ZEB1: variants seen among roughly 807,000 people sequenced by gnomAD.
ZEB1 encodes the protein zinc finger E-box binding homeobox 1, also known as zinc finger E-box-binding homeobox 1.
A neutral mutation model predicts 84.9 loss-of-function variants in ZEB1; 21 were observed. The ratio of observed to expected loss-of-function variants is 0.25; its 90% CI spans 0.18 to 0.36. ZEB1 has a LOEUF of 0.36. Among genes scored for constraint, ZEB1 ranks in the 10% least tolerant of loss-of-function variants. The pLI is 1.00. For synonymous variants in ZEB1, 420 were observed against 471.1 expected (o/e 0.89, Z 1.41); for missense variants, 1,104 against 1,330.2 (o/e 0.83, Z 2.65).
chr10:31,483,060 T>C (rs1210084175), intron 2 of ZEB1, among the ~76,000 whole-genome samples: 1 of 152,052 alleles, frequency 6.6e-6, no homozygotes, highest in Non-Finnish European at 1.5e-5. Context: ...CTAATTCTGC[T>C]TTCATTAGGC....
chr10:31,382,152 C>T (rs1322931313), intron 1 of ZEB1, among the ~76,000 whole-genome samples: 1 of 151,774 alleles, frequency 6.6e-6, no homozygotes, highest in African/African-American at 2.4e-5. Context: ...TTCTCTGCCT[C>T]TGCTTGCATG....
chr10:31,461,207 G>T lies in ZEB1; in HGVS notation c.229G>T (p.Gly77Trp). Residue 77 changes from glycine to tryptophan, a missense_variant, in exon 2 of 9, where the codon GGG (glycine) becomes TGG (tryptophan). Gly to Trp is a radical substitution (Grantham distance 184). Around this residue, in one of 7 missense-constraint regions of ZEB1, gnomAD observed 162 missense variants for 184.5 expected, o/e 0.88. Coordinates refer to ENST00000424869, the MANE Select transcript of ZEB1 (RefSeq NM_001174096.2). ...VLPGRSSERE[G>W]NAKNCWEDDT... Reference sequence around the variant, plus strand: ...ACCAGGGAGGAGCAGTGAAAGAGAAGGGAATGCTAAGAACTGCTGGGAGGA... The same window carrying T: ...ACCAGGGAGGAGCAGTGAAAGAGAATGGAATGCTAAGAACTGCTGGGAGGA... 6.2e-7 allele frequency: 1 copy of T among 1,613,226 alleles called. No homozygotes were observed. The highest frequency in any genetic ancestry group is 8.5e-7 in the Non-Finnish European group (1 of 1,179,568).
At chr10:31,515,332 A>G (rs2070877126) in intron 6 of ZEB1, among the ~76,000 whole-genome samples, 1 of 152,078 alleles carries the variant, frequency 6.6e-6, no homozygotes, top group Admixed American at 6.6e-5. Flanking sequence ...ACAGAGAGCT[A>G]TATTTGCATT....
At chr10:31,519,285 C>T (rs888385631) in intron 6 of ZEB1, among the ~76,000 whole-genome samples, 2 of 152,088 alleles carry the variant, frequency 1.3e-5, no homozygotes, top group African/African-American at 2.4e-5. Flanking sequence ...CCATTTAGCT[C>T]GGTGCTTTCA....
intron 1 of ZEB1, among the ~76,000 whole-genome samples, chr10:31,408,945 A>G (rs1286975141): frequency 1.3e-5 from 2 of 150,566 alleles, no homozygotes; most frequent in Non-Finnish European, 3.0e-5. Flanking sequence ...AACTACCATC[A>G]GAGTGAACAG....
intron 1 of ZEB1, among the ~76,000 whole-genome samples, chr10:31,372,593 C>T (rs1304916299): frequency 6.6e-6 from 1 of 152,030 alleles, no homozygotes; most frequent in Non-Finnish European, 1.5e-5. Flanking sequence ...AGTGTAACCT[C>T]TAACTTCTTG....
chr10:31,520,716 AGTC>A lies in ZEB1; in HGVS notation c.1385_1387del (p.Ser462_Leu463delinsIle). 1 of 1,614,144 alleles carries A rather than the reference AGTC, an allele frequency of 6.2e-7. No homozygotes were observed. Among genetic ancestry groups the A allele is most frequent in the Non-Finnish European group, 8.5e-7 (1 of 1,180,002 alleles). ...TGGCCATTCTGTTATTTCAGCCATC[AGTC>A]TTCCTTTGGTTGATCAAGATGGAAC... On this transcript the variant is annotated inframe_deletion, in exon 7 of 9. Transcript: ENST00000424869. This position sits in a 1 kb window ranked among gnomAD's most constrained non-coding sequence, Gnocchi z 5.1.
intron 1 of ZEB1, among the ~76,000 whole-genome samples, chr10:31,440,973 C>T (rs942238487): frequency 1.3e-5 from 2 of 152,078 alleles, no homozygotes; most frequent in African/African-American, 2.4e-5. Flanking sequence ...TGAAAATGGC[C>T]ATACTGCCCA....
chr10:31,380,577 T>G (rs1224035643), intron 1 of ZEB1, among the ~76,000 whole-genome samples: 2 of 152,208 alleles, frequency 1.3e-5, no homozygotes, highest in East Asian at 3.8e-4. Context: ...ATTCTGTCAT[T>G]AGGGTTTGCA....
chr10:31,427,858 C>CAA (rs60403022), intron 1 of ZEB1, among the ~76,000 whole-genome samples: 1 of 119,386 alleles, frequency 8.4e-6, no homozygotes, highest in Non-Finnish European at 1.8e-5. Context: ...GACTCCATCT[C>CAA]AAAAAAAAAA....
At chr10:31,433,344 T>G (rs140101737) in intron 1 of ZEB1, among the ~76,000 whole-genome samples, 2 of 152,304 alleles carry the variant, frequency 1.3e-5, no homozygotes, top group Admixed American at 1.3e-4. Context: ...CAGCTGCAGT[T>G]AACATGTTTT....
intron 1 of ZEB1, among the ~76,000 whole-genome samples, chr10:31,328,300 T>A (rs779385509): frequency 3.6e-4 from 55 of 152,154 alleles, no homozygotes; most frequent in South Asian, 1.0e-3. Context: ...CCTATCACCC[T>A]GGCCGGGTTA....
intron 1 of ZEB1, among the ~76,000 whole-genome samples, chr10:31,430,560 G>T (rs1411631185): frequency 6.6e-6 from 1 of 151,980 alleles, no homozygotes; most frequent in African/African-American, 2.4e-5. Flanking sequence ...TCCTAATTTT[G>T]CCATGTTAAA....
chr10:31,452,701 ATG>A (rs377004895), intron 1 of ZEB1, among the ~76,000 whole-genome samples: 1,798 of 90,162 alleles, frequency 0.02, 24 homozygotes, highest in African/African-American at 0.037. Flanking sequence ...TTAGGATAAA[ATG>A]TGTGTGTGTG....
intron 1 of ZEB1, among the ~76,000 whole-genome samples, chr10:31,331,736 G>A (rs2036841034): frequency 6.6e-6 from 1 of 152,106 alleles, no homozygotes; most frequent in African/African-American, 2.4e-5. Flanking sequence ...CCATACAGGG[G>A]GAATATTATG....
chr10:31,406,688 T>G (rs2053133264), intron 1 of ZEB1, among the ~76,000 whole-genome samples: 1 of 152,216 alleles, frequency 6.6e-6, no homozygotes, highest in African/African-American at 2.4e-5. Flanking sequence ...CAGAAGCTCT[T>G]TAGTTTAATT....
At chr10:31,368,507 C>A (rs1263708279) in intron 1 of ZEB1, among the ~76,000 whole-genome samples, 2 of 152,270 alleles carry the variant, frequency 1.3e-5, no homozygotes, top group African/African-American at 4.8e-5. Flanking sequence ...ATACCTAATA[C>A]AATACAAATG....
intron 1 of ZEB1, among the ~76,000 whole-genome samples, chr10:31,430,426 A>T (rs548012554): frequency 1.1e-4 from 16 of 152,290 alleles, no homozygotes; most frequent in African/African-American, 3.9e-4. Context: ...CCTTTTGCAA[A>T]CCAAACACTG....
At chr10:31,382,162 G>A (rs1183270728) in intron 1 of ZEB1, among the ~76,000 whole-genome samples, 2 of 151,844 alleles carry the variant, frequency 1.3e-5, no homozygotes, top group East Asian at 3.9e-4. Flanking sequence ...CTGCTTGCAT[G>A]CCACCTTGGT....
Sources: allele counts gnomAD v4.1 joint callset (sites outside exome capture counted in the v4.1 genomes callset), GRCh38; gene constraint gnomAD v4.1.1; regional missense constraint gnomAD v4.1.1; non-coding constraint Gnocchi (gnomAD v3.1); transcripts MANE v1.5; gene names NCBI Gene and HGNC (gene_info 2026-07-23, HGNC 2026-07-21).